Variants in TENM4 observed in about 807,000 individuals in gnomAD.
TENM4 encodes teneurin transmembrane protein 4.
Under a neutral mutation model 243.3 loss-of-function variants are expected in TENM4, and 82 were observed. The observed-to-expected ratio is 0.34, with a 90% CI of 0.28 to 0.40. The LOEUF (loss-of-function observed/expected upper bound fraction) is 0.40, where lower values mean the gene tolerates loss of function less well. Ranked by LOEUF, TENM4 falls within the 10% of genes least tolerant of loss-of-function variation. The probability of loss-of-function intolerance (pLI) is 1.00; values close to 1 mark genes in which losing one functional copy is unlikely to be tolerated. For missense variants in TENM4, 3,138 were observed against 3,673.3 expected (o/e 0.85, Z 3.77); for synonymous variants, 1,412 against 1,456.3 (o/e 0.97, Z 0.69).
At chr11:79,232,362 C>T (rs551034270) in intron 2 of TENM4, among the ~76,000 whole-genome samples, 2 of 152,310 alleles carry the variant, frequency 1.3e-5, no homozygotes, top group East Asian at 1.9e-4. Flanking sequence ...AGTCTTCAGG[C>T]GCAGAAACCC....
chr11:79,386,329 A>C (rs1289983691), intron 1 of TENM4, among the ~76,000 whole-genome samples: 1 of 152,240 alleles, frequency 6.6e-6, no homozygotes, highest in African/African-American at 2.4e-5. Flanking sequence ...GAAAATGTAG[A>C]ATGTCTTCTT....
chr11:79,049,667 A>G (rs1489161902), intron 6 of TENM4, among the ~76,000 whole-genome samples: 2 of 152,242 alleles, frequency 1.3e-5, no homozygotes, highest in African/African-American at 4.8e-5. Context: ...CCTAGATTGT[A>G]CCAATAATGA....
intron 4 of TENM4, 113 bp from the exon 5 acceptor site, chr11:79,070,122 A>T: frequency 7.7e-6 from 10 of 1,296,518 alleles, no homozygotes; most frequent in East Asian, 2.6e-5. Context: ...CAGGCAGTGG[A>T]GGAGAGGGTA....
intron 4 of TENM4, among the ~76,000 whole-genome samples, chr11:79,138,836 AT>A (rs1187847170): frequency 8.3e-6 from 1 of 119,856 alleles, no homozygotes; most frequent in Admixed American, 9.9e-5. Context: ...CAAAACATAC[AT>A]TATATTTATA....
intron 6 of TENM4, among the ~76,000 whole-genome samples, chr11:78,998,787 G>T (rs926039472): frequency 6.6e-6 from 1 of 152,172 alleles, no homozygotes; most frequent in Non-Finnish European, 1.5e-5. Flanking sequence ...GAGGGCCAAT[G>T]GTTCTGGTAG....
At chr11:78,693,896 T>C (rs1468869967) in intron 28 of TENM4, among the ~76,000 whole-genome samples, 11 of 152,050 alleles carry the variant, frequency 7.2e-5, no homozygotes, top group Admixed American at 7.2e-4. Flanking sequence ...GTGCCTGTAA[T>C]CCCAGCTACT....
intron 6 of TENM4, among the ~76,000 whole-genome samples, chr11:78,959,692 C>T (rs1319725224): frequency 6.6e-6 from 1 of 152,128 alleles, no homozygotes; most frequent in Non-Finnish European, 1.5e-5. Context: ...GTGACAAGGT[C>T]CCCTGGGGTG....
intron 3 of TENM4, among the ~76,000 whole-genome samples, chr11:79,174,748 C>A (rs1241026489): frequency 1.3e-5 from 2 of 152,192 alleles, no homozygotes; most frequent in Non-Finnish European, 2.9e-5. Flanking sequence ...CTTTGGGCAG[C>A]CTTTTGCTAC....
At chr11:79,105,655 G>C (rs926351635) in intron 4 of TENM4, among the ~76,000 whole-genome samples, 1 of 152,192 alleles carries the variant, frequency 6.6e-6, no homozygotes, top group African/African-American at 2.4e-5. Flanking sequence ...GAGGCAGGCT[G>C]GTCAGTGCCT....
chr11:79,259,197 T>C (rs1310495717), intron 2 of TENM4, among the ~76,000 whole-genome samples: 2 of 152,120 alleles, frequency 1.3e-5, no homozygotes, highest in Admixed American at 1.3e-4. Flanking sequence ...GCAGACTACT[T>C]TGCACAGCTT....
chr11:78,657,841 C>A lies in TENM4; in HGVS notation c.*217G>T. 1 of 664,542 alleles carries A rather than the reference C, an allele frequency of 1.5e-6. No homozygotes were observed. Among genetic ancestry groups the A allele is most frequent in the Non-Finnish European group, 2.6e-6 (1 of 388,350 alleles). 41.2% of individuals were successfully genotyped at this position (664,542 alleles called of 1,614,324 possible). On this transcript the variant is annotated 3_prime_UTR_variant, in exon 34 of 34. Transcript: ENST00000278550. Reference sequence around the variant, plus strand: ...TAAAGTTTTCATTGTGATCACACTACAGAAAAAAATACCTTCTGTTCTTTG... The same window carrying A: ...TAAAGTTTTCATTGTGATCACACTAAAGAAAAAAATACCTTCTGTTCTTTG...
intron 1 of TENM4, among the ~76,000 whole-genome samples, chr11:79,424,777 A>G (rs765528924): frequency 9.9e-5 from 15 of 152,164 alleles, no homozygotes; most frequent in Non-Finnish European, 2.1e-4. Flanking sequence ...TACTAAAAAT[A>G]CAAAAAATTA....
At chr11:79,044,553 C>T (rs1859614509) in intron 6 of TENM4, among the ~76,000 whole-genome samples, 1 of 152,184 alleles carries the variant, frequency 6.6e-6, no homozygotes, top group Non-Finnish European at 1.5e-5. Flanking sequence ...TCTAGCTGTG[C>T]TATGCTTCAG....
At chr11:79,066,629 CAT>C (rs771122458) in intron 5 of TENM4, among the ~76,000 whole-genome samples, 19 of 152,036 alleles carry the variant, frequency 1.2e-4, no homozygotes, top group South Asian at 2.1e-4. Flanking sequence ...TGCGCACACA[CAT>C]GAACACACAA....
chr11:79,017,449 A>G (rs603888), intron 6 of TENM4, among the ~76,000 whole-genome samples: 51,724 of 151,970 alleles, frequency 0.34, 10,144 homozygotes, highest in Non-Finnish European at 0.44. Flanking sequence ...CCTGTTTAGT[A>G]TGCAACCTCT....
chr11:78,960,249 A>C (rs1277072484), intron 6 of TENM4, among the ~76,000 whole-genome samples: 1 of 151,824 alleles, frequency 6.6e-6, no homozygotes, highest in Non-Finnish European at 1.5e-5. Context: ...AAACAAGCCC[A>C]CCCCAGGGAG....
At chr11:79,070,936 C>A (rs973845315) in intron 4 of TENM4, among the ~76,000 whole-genome samples, 1 of 152,190 alleles carries the variant, frequency 6.6e-6, no homozygotes, top group African/African-American at 2.4e-5. Flanking sequence ...CACCTCCAGA[C>A]TTGCCCATCT....
chr11:78,879,203 T>C (rs1859349845), intron 9 of TENM4, among the ~76,000 whole-genome samples: 1 of 147,344 alleles, frequency 6.8e-6, no homozygotes, highest in Non-Finnish European at 1.5e-5. Context: ...CCACCCCGTC[T>C]AGGAAGTGAG....
At chr11:79,020,179 C>T (rs933711896) in intron 6 of TENM4, among the ~76,000 whole-genome samples, 5 of 152,190 alleles carry the variant, frequency 3.3e-5, no homozygotes, top group Non-Finnish European at 7.3e-5. Context: ...GTGTGTGTTA[C>T]TGATCCAGAG....
Sources: gnomAD v4.1 joint callset for allele counts (sites outside exome capture counted in the v4.1 genomes callset) on GRCh38, gnomAD v4.1.1 for gene constraint, MANE v1.5 for transcripts, NCBI Gene and HGNC (gene_info 2026-07-23, HGNC 2026-07-21) for gene names.